Variants in ARHGEF18 observed in about 807,000 individuals in gnomAD.
The protein encoded by ARHGEF18 is rho guanine nucleotide exchange factor 18.
ARHGEF18 carries 93 observed loss-of-function variants against 155.7 expected under a neutral mutation model. The observed-to-expected ratio is 0.60, with a 90% CI of 0.50 to 0.71. The LOEUF (loss-of-function observed/expected upper bound fraction) is 0.71. Ranked by LOEUF, ARHGEF18 falls within the 30% of genes least tolerant of loss-of-function variation. The pLI is 0.00. For missense variants in ARHGEF18, 1,593 were observed against 1,816.1 expected (o/e 0.88, Z 2.23); for synonymous variants, 742 against 753.1 (o/e 0.99, Z 0.24).
In ARHGEF18 at chr19:7,362,849, A is replaced by G. The variant is rs184799339; in HGVS notation, c.-42A>G. ...TGTGGCTTCAGCCACCAAGAGCAGC[A>G]GTGGATCCTGGAAACCTGAGAACCC... is the stretch of plus-strand genomic sequence containing the variant. On this transcript the variant is annotated 5_prime_UTR_variant, in exon 2 of 29. Transcript: ENST00000668164. 43 of 1,234,348 alleles carry G rather than the reference A, an allele frequency of 3.5e-5. No homozygotes were observed. Among genetic ancestry groups the G allele is most frequent in the Admixed American group, 4.2e-5 (1 of 23,704 alleles). 76.5% of individuals were successfully genotyped at this position (1,234,348 alleles called of 1,614,324 possible).
chr19:7,441,219 G>A (rs1473307736), intron 11 of ARHGEF18, among the ~76,000 whole-genome samples: 5 of 122,540 alleles, frequency 4.1e-5, no homozygotes, highest in African/African-American at 6.6e-5. Context: ...AGTCTCTGTC[G>A]CCCAGGCTGG....
chr19:7,379,229 A>AG, intron 7 of ARHGEF18, 63 bp downstream of exon 7: 1 of 1,193,386 alleles, frequency 8.4e-7, no homozygotes, highest in Non-Finnish European at 1.0e-6. Flanking sequence ...GGAAGCATGC[A>AG]GGGGTGTGCA....
rs1974867399 is a variant in ARHGEF18, at chr19:7,444,421, C to T, written c.1578C>T (p.Val526=). The change falls in exon 14 of 29, where the codon GTC becomes GTT. Residue 526 remains valine (V), a synonymous_variant. Coordinates refer to ENST00000668164, the MANE Select transcript of ARHGEF18 (RefSeq NM_001367823.1). The surrounding 1 kb of genome is among the most constrained non-coding windows in gnomAD (Gnocchi z 4.7). ...SLEEGSDRNY[V]IQKIGDLLVQ... ...AGGAGGGCAGTGACCGGAATTATGT[C>T]ATCCAGAAAATCGGCGACCTCCTGG... The T allele has an allele frequency of 3.1e-6, 5 of 1,613,708 alleles. No homozygotes were observed. The highest frequency in any genetic ancestry group is 4.2e-6 in the Non-Finnish European group (5 of 1,179,994).
chr19:7,466,234 T>A (rs1161965900), intron 23 of ARHGEF18, among the ~76,000 whole-genome samples: 6 of 151,354 alleles, frequency 4.0e-5, no homozygotes, highest in Non-Finnish European at 7.4e-5. Flanking sequence ...ATATACAAAA[T>A]TAGCCAGGCG....
Position 7,464,684 on chromosome 19 carries a change from G to C in ARHGEF18, c.2898G>C (p.Pro966=). ...SDIPGSSEES[P]QVVEAPGTES... is the part of the protein sequence containing the mutation. ...TTCCTGGGAGCTCTGAGGAATCGCC[G>C]CAGGTGGTACGTGGATATCCATTTG... Residue 966 remains proline (P), a synonymous_variant, in exon 23 of 29, where the codon CCG becomes CCC. Transcript: ENST00000668164. The C allele has an allele frequency of 6.2e-7, 1 of 1,613,956 alleles. No individual in the cohort carries two copies. Among genetic ancestry groups the C allele is most frequent in the South Asian group, 1.1e-5 (1 of 91,076 alleles).
At chr19:7,420,064 G>A (rs553908956) in intron 10 of ARHGEF18, among the ~76,000 whole-genome samples, 83 of 150,662 alleles carry the variant, frequency 5.5e-4, no homozygotes, top group South Asian at 2.3e-3. Flanking sequence ...AAGCCCTGAC[G>A]ACAGCCTCAG....
In ARHGEF18 at chr19:7,372,804, A is replaced by G. The variant is rs563078549; in HGVS notation, c.16-8A>G. ...CTTCTTCTCCCTCCTCACCTTCCCA[A>G]CCTACAGGAGGATGATTTTCCCAGG... On this transcript the variant is annotated splice_region_variant and splice_polypyrimidine_tract_variant and intron_variant, in intron 2 of 28. Coordinates refer to ENST00000668164, the MANE Select transcript of ARHGEF18 (RefSeq NM_001367823.1). The G allele has an allele frequency of 1.6e-6, 2 of 1,234,432 alleles. No homozygotes were observed. The highest frequency in any genetic ancestry group is 4.1e-5 in the South Asian group (1 of 24,418). 76.5% of individuals were successfully genotyped at this position (1,234,432 alleles called of 1,614,324 possible). A position where few individuals can be genotyped will look rare whatever the true frequency, so the allele number is the denominator to read the frequency against.
intron 10 of ARHGEF18, among the ~76,000 whole-genome samples, chr19:7,420,843 C>G (rs576345789): frequency 1.3e-5 from 2 of 152,320 alleles, no homozygotes; most frequent in African/African-American, 4.8e-5. Context: ...ATGGGGTGAG[C>G]CTGTCAAACC....
intron 10 of ARHGEF18, among the ~76,000 whole-genome samples, chr19:7,421,329 G>C (rs1291914165): frequency 1.3e-5 from 2 of 152,142 alleles, no homozygotes; most frequent in Non-Finnish European, 2.9e-5. Context: ...TTCTGCTTCT[G>C]CAACCAAAGC....
At chr19:7,418,824 T>C (rs575644674) in intron 10 of ARHGEF18, among the ~76,000 whole-genome samples, 4 of 152,144 alleles carry the variant, frequency 2.6e-5, no homozygotes, top group East Asian at 1.9e-4. Flanking sequence ...GTGGCACTCA[T>C]TGACGGCTCT....
intron 18 of ARHGEF18, among the ~76,000 whole-genome samples, 164 bp from the exon 19 acceptor site, chr19:7,458,348 T>C (rs1302060579): frequency 1.4e-5 from 2 of 147,434 alleles, no homozygotes; most frequent in Non-Finnish European, 3.0e-5. Context: ...TGCAATAGTA[T>C]CTTTTTTCCC....
chr19:7,439,288 C>G (rs532352850), intron 10 of ARHGEF18, among the ~76,000 whole-genome samples: 9 of 150,506 alleles, frequency 6.0e-5, no homozygotes, highest in Non-Finnish European at 1.2e-4. Context: ...AGACCCCCCC[C>G]CAACCTCTAC....
intron 1 of ARHGEF18, among the ~76,000 whole-genome samples, chr19:7,354,949 T>C (rs1969247046): frequency 6.6e-6 from 1 of 151,516 alleles, no homozygotes; most frequent in South Asian, 2.1e-4. Flanking sequence ...GACACAAATA[T>C]GTAGAAACAC....
intron 10 of ARHGEF18, among the ~76,000 whole-genome samples, chr19:7,391,931 CT>C (rs1398988655): frequency 6.6e-6 from 1 of 152,008 alleles, no homozygotes; most frequent in African/African-American, 2.4e-5. Flanking sequence ...CCTAGCGCCC[CT>C]GGTCCATGCT....
intron 10 of ARHGEF18, among the ~76,000 whole-genome samples, chr19:7,399,191 A>C (rs1157118729): frequency 6.6e-6 from 1 of 152,162 alleles, no homozygotes; most frequent in African/African-American, 2.4e-5. Flanking sequence ...CTCTAGGTGC[A>C]AAACAGCACC....
chr19:7,405,250 C>A (rs112268371), intron 10 of ARHGEF18, among the ~76,000 whole-genome samples: 1 of 152,200 alleles, frequency 6.6e-6, no homozygotes, highest in African/African-American at 2.4e-5. Flanking sequence ...TGAGCCACCG[C>A]GCCCAGCGAC....
chr19:7,373,373 G>C (rs1970284859), intron 3 of ARHGEF18, among the ~76,000 whole-genome samples: 1 of 151,960 alleles, frequency 6.6e-6, no homozygotes, highest in African/African-American at 2.4e-5. Context: ...GGAGCCCCGA[G>C]CTTGTTTTCC....
At chr19:7,475,348 T>C (rs759925539), downstream of ARHGEF18, among the ~76,000 whole-genome samples, 3 of 152,040 alleles carry the variant, frequency 2.0e-5, no homozygotes, top group Non-Finnish European at 4.4e-5. Context: ...TCACCAAGCC[T>C]GGGGGCTGCG....
At chr19:7,399,704 T>C (rs762078050) in intron 10 of ARHGEF18, among the ~76,000 whole-genome samples, 4 of 151,950 alleles carry the variant, frequency 2.6e-5, no homozygotes, top group Non-Finnish European at 4.4e-5. Context: ...ATGGTCTCGA[T>C]TTCCTGACCT....
Sources: allele counts gnomAD v4.1 joint callset (sites outside exome capture counted in the v4.1 genomes callset), GRCh38; gene constraint gnomAD v4.1.1; non-coding constraint Gnocchi (gnomAD v3.1); transcripts MANE v1.5; gene names NCBI Gene and HGNC (gene_info 2026-07-23, HGNC 2026-07-21).